DCC: variants seen among roughly 807,000 people sequenced by gnomAD.
DCC encodes the protein netrin receptor DCC.
A neutral mutation model predicts 172.5 loss-of-function variants in DCC; 58 were observed. The observed-to-expected ratio is 0.34, with a 90% CI of 0.27 to 0.42. The LOEUF is 0.42. DCC is among the 10% of genes least tolerant of loss of function. The pLI, the probability that DCC is intolerant of heterozygous loss-of-function variation, is 1.00. For synonymous variants in DCC, 709 were observed against 644.5 expected (o/e 1.10, Z -1.52); for missense variants, 1,740 against 1,791.0 (o/e 0.97, Z 0.51).
intron 5 of DCC, among the ~76,000 whole-genome samples, chr18:53,060,107 G>A (rs565326126): frequency 3.3e-5 from 5 of 152,092 alleles, no homozygotes; most frequent in East Asian, 1.9e-4. Context: ...AGATTCAAGC[G>A]ATTCTCATGC....
chr18:52,922,762 G>C (rs1257453229), intron 3 of DCC, among the ~76,000 whole-genome samples: 1 of 152,100 alleles, frequency 6.6e-6, no homozygotes, highest in Non-Finnish European at 1.5e-5. Flanking sequence ...GACTGGTTTT[G>C]GTGTGTCCCC....
chr18:53,277,386 A>C (rs2056818372), intron 12 of DCC, among the ~76,000 whole-genome samples: 1 of 152,144 alleles, frequency 6.6e-6, no homozygotes, highest in Non-Finnish European at 1.5e-5. Flanking sequence ...ATTATTCTGC[A>C]CACTCACCAC....
At chr18:53,400,178 G>A (rs1909210289) in intron 18 of DCC, among the ~76,000 whole-genome samples, 1 of 152,076 alleles carries the variant, frequency 6.6e-6, no homozygotes, top group Admixed American at 6.6e-5. Flanking sequence ...TACAGATTCT[G>A]TCTGGAAAAA....
intron 5 of DCC, among the ~76,000 whole-genome samples, chr18:53,022,046 T>C (rs2041888944): frequency 6.6e-6 from 1 of 152,222 alleles, no homozygotes; most frequent in African/African-American, 2.4e-5. Flanking sequence ...ATTAATATTC[T>C]GTTTCTTCAT....
chr18:53,224,382 G>C (rs576939088), intron 12 of DCC, among the ~76,000 whole-genome samples: 2 of 152,296 alleles, frequency 1.3e-5, no homozygotes, highest in East Asian at 3.9e-4. Flanking sequence ...ACGGATTGCT[G>C]GGTTCCGGCC....
intron 1 of DCC, among the ~76,000 whole-genome samples, chr18:52,404,603 T>C (rs1415001969): frequency 6.6e-6 from 1 of 151,198 alleles, no homozygotes; most frequent in Non-Finnish European, 1.5e-5. Context: ...TTGGTAAAAA[T>C]GGGCAGATTT....
At chr18:53,029,015 A>T (rs1568255117) in intron 5 of DCC, among the ~76,000 whole-genome samples, 1 of 152,178 alleles carries the variant, frequency 6.6e-6, no homozygotes, top group Non-Finnish European at 1.5e-5. Context: ...ACTAATTCAC[A>T]AAGAGGTGAA....
chr18:52,435,920 G>A lies in DCC; in HGVS notation c.91+95042G>A, dbSNP rs557234661. Among the ~76,000 whole-genome samples the A allele has an allele frequency of 1.8e-4, 28 of 152,286 alleles. No homozygotes were observed. The South Asian group carries it at 3.5e-3, about 19-fold the overall frequency. ...CAATCAAATATACACAATCCTGCCCGCTGAACCAAACAGGCCTTCTAAACG... is the reference window on the plus strand; with the variant it reads ...CAATCAAATATACACAATCCTGCCCACTGAACCAAACAGGCCTTCTAAACG... On this transcript the variant is annotated intron_variant, in intron 1 of 28. Coordinates refer to ENST00000442544, the MANE Select transcript of DCC (RefSeq NM_005215.4).
At chr18:53,243,160 G>A (rs975379916) in intron 12 of DCC, among the ~76,000 whole-genome samples, 13 of 152,146 alleles carry the variant, frequency 8.5e-5, no homozygotes, top group African/African-American at 3.1e-4. Flanking sequence ...ATGCTGGCAA[G>A]GAAGGAAATG....
intron 15 of DCC, among the ~76,000 whole-genome samples, chr18:53,367,798 T>C (rs891951048): frequency 1.8e-4 from 27 of 152,322 alleles, no homozygotes; most frequent in African/African-American, 6.5e-4. Context: ...AACTGGCTTA[T>C]TTCACTTAGC....
intron 15 of DCC, among the ~76,000 whole-genome samples, chr18:53,368,347 C>A (rs544775102): frequency 2.6e-5 from 4 of 152,080 alleles, no homozygotes; most frequent in Non-Finnish European, 5.9e-5. Flanking sequence ...ATTTTATCAG[C>A]TATATAACTT....
intron 1 of DCC, among the ~76,000 whole-genome samples, chr18:52,623,740 G>A (rs1330588946): frequency 6.6e-6 from 1 of 151,906 alleles, no homozygotes; most frequent in Non-Finnish European, 1.5e-5. Context: ...TTCTATCTCT[G>A]CATCTCCCCC....
intron 1 of DCC, among the ~76,000 whole-genome samples, chr18:52,652,741 G>GTGTGT (rs1555709976): frequency 6.3e-4 from 27 of 43,136 alleles, no homozygotes; most frequent in African/African-American, 1.2e-3. Flanking sequence ...TGTGTGTGTG[G>GTGTGT]GTGGAGGAGG....
intron 2 of DCC, among the ~76,000 whole-genome samples, chr18:52,793,909 T>A (rs1162210675): frequency 6.6e-6 from 1 of 152,322 alleles, no homozygotes; most frequent in East Asian, 1.9e-4. Context: ...CTCCAAGGTA[T>A]TCTCTTTGTG....
rs1555674681 is a variant in DCC, at chr18:53,460,287, T to TTG, written c.3619+830_3619+831insGT. ...TGAGGAGCTCCTGTTTTTTTTTTTT[T>TTG]TTTTTTTTTTTTTTTTAAGTTTTAG... is the stretch of plus-strand genomic sequence containing the variant. On this transcript the variant is annotated intron_variant, in intron 24 of 28. Coordinates refer to ENST00000442544, the MANE Select transcript of DCC (RefSeq NM_005215.4). Among the ~76,000 whole-genome samples, 88 of 127,680 alleles carry TTG rather than the reference T, an allele frequency of 6.9e-4. 3 individuals carry two copies. Among genetic ancestry groups the TTG allele is most frequent in the African/African-American group, 1.8e-3 (62 of 35,274 alleles). The allele number at this position is 127,680 out of a possible 152,430, so 83.8% of individuals were successfully genotyped here. A position where few individuals can be genotyped will look rare whatever the true frequency, so the allele number is the denominator to read the frequency against.
chr18:53,258,763 T>G (rs1205083830), intron 12 of DCC, among the ~76,000 whole-genome samples: 1 of 152,224 alleles, frequency 6.6e-6, no homozygotes, highest in Non-Finnish European at 1.5e-5. Context: ...TTCCTGGATA[T>G]CCTTTTTAAC....
chr18:52,790,829 A>G (rs535505337), intron 2 of DCC, among the ~76,000 whole-genome samples: 2 of 152,322 alleles, frequency 1.3e-5, no homozygotes, highest in East Asian at 1.9e-4. Context: ...TTGGAGCAGC[A>G]TAACATCCCT....
At chr18:53,513,612 G>A (rs1349022803) in intron 27 of DCC, among the ~76,000 whole-genome samples, 1 of 152,080 alleles carries the variant, frequency 6.6e-6, no homozygotes, top group Non-Finnish European at 1.5e-5. Context: ...TAAAAGGATG[G>A]AGGAAGATCT....
At chr18:52,906,954 T>C (rs1406035461) in intron 3 of DCC, among the ~76,000 whole-genome samples, 1 of 151,894 alleles carries the variant, frequency 6.6e-6, no homozygotes, top group Non-Finnish European at 1.5e-5. Flanking sequence ...GAAAATGTGG[T>C]AAAGTGTGAA....
Sources: allele counts gnomAD v4.1 joint callset (sites outside exome capture counted in the v4.1 genomes callset), GRCh38; gene constraint gnomAD v4.1.1; transcripts MANE v1.5; gene names NCBI Gene and HGNC (gene_info 2026-07-23, HGNC 2026-07-21).